USP8: variants seen among roughly 807,000 people sequenced by gnomAD.
USP8 encodes the protein ubiquitin carboxyl-terminal hydrolase 8.
USP8 carries 27 observed loss-of-function variants against 130.0 expected under a neutral mutation model. That is an observed-to-expected ratio of 0.21 (90% CI 0.15 to 0.29). The LOEUF is 0.29. Among genes scored for constraint, USP8 ranks in the 10% least tolerant of loss-of-function variants. USP8 has a pLI of 1.00. For synonymous variants in USP8, 392 were observed against 444.1 expected (o/e 0.88, Z 1.48); for missense variants, 1,029 against 1,312.2 (o/e 0.78, Z 3.33).
Position 50,482,900 on chromosome 15 carries a change from T to C in USP8, c.1803+835T>C, listed in dbSNP as rs145427358. Among the ~76,000 whole-genome samples the C allele has an allele frequency of 3.5e-3, 531 of 152,298 alleles. 5 individuals are homozygous for C. The highest frequency in any genetic ancestry group is 0.012 in the African/African-American group (513 of 41,562). ...CACAATTCAGGCATGTTACCAAAAT[T>C]AATTCATAGTCAAGCTGCTCTTATC... On this transcript the variant is annotated intron_variant, in intron 11 of 19. Coordinates refer to ENST00000307179, the MANE Select transcript of USP8 (RefSeq NM_005154.5).
intron 2 of USP8, 106 bp downstream of exon 2, chr15:50,439,283 T>C: frequency 1.4e-6 from 1 of 719,396 alleles, no homozygotes; most frequent in South Asian, 2.2e-5. Context: ...AATAACACCA[T>C]CACACGAATA....
chr15:50,450,462 C>CTTTTTTTTT (rs35800074), intron 4 of USP8, among the ~76,000 whole-genome samples: 34 of 80,458 alleles, frequency 4.2e-4, no homozygotes, highest in East Asian at 1.1e-3. Flanking sequence ...GTTAGTCATT[C>CTTTTTTTTT]TTTTTTTTTT....
In USP8 at chr15:50,511,044, C is replaced by T. The variant is rs143972256; in HGVS notation, c.*11956C>T. ...CCGCCTGCCTTGGCCTCCCAAAGTG[C>T]TGGGATTACAGGCGTCAGCCACCGT... On this transcript the variant is annotated 3_prime_UTR_variant, in exon 20 of 20. Coordinates refer to ENST00000307179, the MANE Select transcript of USP8 (RefSeq NM_005154.5). 0.068 allele frequency: 10,307 copies of T among 152,304 alleles called. 552 individuals are homozygous for T. The highest frequency in any genetic ancestry group is 0.14 in the African/African-American group (5,749 of 41,546). The allele number at this position is 152,304 out of a possible 1,614,324, so 9.4% of individuals were successfully genotyped here. A position where few individuals can be genotyped will look rare whatever the true frequency, so the allele number is the denominator to read the frequency against.
chr15:50,479,525 A>G (rs778067276), intron 10 of USP8, among the ~76,000 whole-genome samples: 5 of 152,206 alleles, frequency 3.3e-5, no homozygotes, highest in Non-Finnish European at 5.9e-5. Flanking sequence ...TAACATGATC[A>G]TAACTATACT....
At chr15:50,477,245 C>G in intron 9 of USP8, 31 bp from the exon 10 acceptor site, 1 of 1,588,158 alleles carries the variant, frequency 6.3e-7, no homozygotes, top group South Asian at 1.1e-5. Flanking sequence ...GTTTGCTATT[C>G]TAAAAAACAT....
chr15:50,462,256 C>CT (rs376262830), intron 5 of USP8, 24 bp from the exon 6 acceptor site: 16,837 of 1,111,036 alleles, frequency 0.015, no homozygotes, highest in South Asian at 0.017. Flanking sequence ...AAAGTTGAAA[C>CT]TTTTTTTTTT....
chr15:50,469,451 A>C (rs1012600636), intron 7 of USP8, among the ~76,000 whole-genome samples: 6 of 152,192 alleles, frequency 3.9e-5, no homozygotes, highest in Non-Finnish European at 5.9e-5. Flanking sequence ...TATTTAGGTA[A>C]ATATACCCCT....
At chr15:50,464,969 C>A in intron 6 of USP8, 78 bp from the exon 7 acceptor site, 2 of 1,518,488 alleles carry the variant, frequency 1.3e-6, no homozygotes, top group Non-Finnish European at 1.8e-6. Flanking sequence ...CTAGAAAAAG[C>A]GGTTTGTCCT....
At chr15:50,452,622 G>A (rs1404032187) in intron 4 of USP8, among the ~76,000 whole-genome samples, 1 of 152,184 alleles carries the variant, frequency 6.6e-6, no homozygotes, top group Non-Finnish European at 1.5e-5. Context: ...GAAATATAGA[G>A]CAGTAGGTAA....
chr15:50,459,682 G>A lies in USP8; in HGVS notation c.498+520G>A, dbSNP rs77222756. Among the ~76,000 whole-genome samples the A allele has an allele frequency of 5.0e-3, 762 of 152,026 alleles. 5 individuals are homozygous for A. The highest frequency in any genetic ancestry group is 0.018 in the African/African-American group (739 of 41,504). Reference sequence around the variant, plus strand: ...GGCAATATTTTCTCTGCATTAATTCGTTTTTTAGCAGACATTATAAACTTA... The same window carrying A: ...GGCAATATTTTCTCTGCATTAATTCATTTTTTAGCAGACATTATAAACTTA... On this transcript the variant is annotated intron_variant, in intron 5 of 19. Coordinates refer to ENST00000307179, the MANE Select transcript of USP8 (RefSeq NM_005154.5).
At position 50,500,293 on chromosome 15, in the gene USP8, AATT is replaced by A. The variant is rs1242254571; in HGVS notation, c.*1209_*1211del. 1.3e-5 allele frequency: 2 copies of A among 153,664 alleles called. No individual in the cohort carries two copies. The highest frequency in any genetic ancestry group is 2.4e-5 in the African/African-American group (1 of 41,464). The allele number at this position is 153,664 out of a possible 1,614,324, so 9.5% of individuals were successfully genotyped here. ...AAACTCATCGAGCCATTTGAACAAA[AATT>A]ATTTTTGTTTAGCTTCATGAGTATC... On this transcript the variant is annotated 3_prime_UTR_variant, in exon 20 of 20. Coordinates refer to ENST00000307179, the MANE Select transcript of USP8 (RefSeq NM_005154.5).
chr15:50,481,799 G>T lies in USP8; in HGVS notation c.1537G>T (p.Glu513Ter). 6.5e-7 allele frequency: 1 copy of T among 1,535,550 alleles called. No individual in the cohort carries two copies. Among genetic ancestry groups the T allele is most frequent in the South Asian group, 1.3e-5 (1 of 78,960 alleles). ...AKKKQEAEEN[E>*]ITEKQQKAKE... ...AAAGAAACAAGAAGCTGAAGAAAAT[G>T]AAATTACAGAGAAGCAACAAAAAGC... The change falls in exon 11 of 20, where the codon GAA becomes TAA. Residue 513 changes from glutamate to a stop codon, truncating the protein, a stop_gained. Transcript: ENST00000307179. LOFTEE classifies it high-confidence loss of function.
intron 12 of USP8, 145 bp from the exon 13 acceptor site, chr15:50,489,656 G>T: frequency 2.3e-6 from 1 of 426,580 alleles, no homozygotes; most frequent in Non-Finnish European, 4.0e-6. Flanking sequence ...CTCTGAATCT[G>T]TTTTTTAAAA....
At chr15:50,426,245 A>C (rs147410687) in intron 1 of USP8, among the ~76,000 whole-genome samples, 292 of 152,326 alleles carry the variant, frequency 1.9e-3, no homozygotes, top group African/African-American at 6.6e-3. Context: ...TATATTACGA[A>C]CTTTTCTCCA....
intron 4 of USP8, among the ~76,000 whole-genome samples, chr15:50,454,393 A>ATTTTG (rs1042375749): frequency 7.0e-6 from 1 of 142,962 alleles, no homozygotes; most frequent in Non-Finnish European, 1.6e-5. Flanking sequence ...TGTTCTTTTT[A>ATTTTG]TTTTGTTTTG....
chr15:50,449,134 AT>A (rs2050532642), intron 3 of USP8, among the ~76,000 whole-genome samples: 1 of 152,208 alleles, frequency 6.6e-6, no homozygotes, highest in Non-Finnish European at 1.5e-5. Context: ...TAACAATGTT[AT>A]TTATACTTTT....
chr15:50,438,380 T>A (rs1379894020), intron 1 of USP8, among the ~76,000 whole-genome samples: 1 of 152,184 alleles, frequency 6.6e-6, no homozygotes, highest in Non-Finnish European at 1.5e-5. Context: ...GGCCAGGAGT[T>A]TGAGACCAGC....
At chr15:50,436,999 C>A (rs2050110591) in intron 1 of USP8, among the ~76,000 whole-genome samples, 1 of 146,160 alleles carries the variant, frequency 6.8e-6, no homozygotes, top group Non-Finnish European at 1.5e-5. Flanking sequence ...TTTTTTAAAT[C>A]AATATGTTTT....
chr15:50,425,296 A>G lies in USP8; in HGVS notation c.-66+782A>G, dbSNP rs114284805. On this transcript the variant is annotated intron_variant, in intron 1 of 19. Coordinates refer to ENST00000307179, the MANE Select transcript of USP8 (RefSeq NM_005154.5). ...AAGGGATTTATATCTAAAGGATGTTACCTTTTCTGAATCTGCAAAGCATCG... is the reference window on the plus strand; with the variant it reads ...AAGGGATTTATATCTAAAGGATGTTGCCTTTTCTGAATCTGCAAAGCATCG... Among the ~76,000 whole-genome samples the G allele has an allele frequency of 4.0e-3, 614 of 152,324 alleles. 5 individuals are homozygous for G. Among genetic ancestry groups the G allele is most frequent in the African/African-American group, 0.014 (585 of 41,574 alleles).
Sources: allele counts gnomAD v4.1 joint callset (sites outside exome capture counted in the v4.1 genomes callset), GRCh38; gene constraint gnomAD v4.1.1; transcripts MANE v1.5; gene names NCBI Gene and HGNC (gene_info 2026-07-23, HGNC 2026-07-21).